Variants in VWA3B observed in about 807,000 individuals in gnomAD.
VWA3B encodes von Willebrand factor A domain-containing protein 3B.
In VWA3B, 138 loss-of-function variants were observed where a neutral mutation model predicts 158.3. That is an observed-to-expected ratio of 0.87 (90% CI 0.76 to 1.00). The LOEUF (loss-of-function observed/expected upper bound fraction) is 1.00, where lower values mean the gene tolerates loss of function less well. Ranked by LOEUF, VWA3B falls within the 50% of genes least tolerant of loss-of-function variation. VWA3B has a pLI of 0.00. For synonymous variants in VWA3B, 596 were observed against 587.3 expected, an observed-to-expected ratio of 1.01 and a Z score of -0.21; for missense variants, 1,555 against 1,565.1, an observed-to-expected ratio of 0.99 and a Z score of 0.11.
chr2:98,312,117 T>A (rs1690943151), intron 27 of VWA3B, 83 bp from the exon 28 acceptor site: 1 of 1,613,192 alleles, frequency 6.2e-7, no homozygotes, highest in Non-Finnish European at 8.5e-7. Context: ...CCTAACATCG[T>A]CCTTCAGATT....
intron 9 of VWA3B, among the ~76,000 whole-genome samples, chr2:98,183,036 A>G (rs1407860261): frequency 2.0e-5 from 3 of 152,256 alleles, no homozygotes; most frequent in Admixed American, 6.5e-5. Context: ...AATACTGATC[A>G]TCTCCTAACT....
the VWA3B span, among the ~76,000 whole-genome samples, chr2:98,320,771 G>A: frequency 6.1e-4 from 93 of 152,278 alleles, no homozygotes; most frequent in East Asian, 1.7e-3. Flanking sequence ...GTGACAGAGC[G>A]TAGAAGTTCG....
intron 10 of VWA3B, among the ~76,000 whole-genome samples, chr2:98,192,594 CA>C (rs1361283383): frequency 3.9e-5 from 6 of 152,280 alleles, no homozygotes; most frequent in Non-Finnish European, 8.8e-5. Context: ...GTGTAGGTCA[CA>C]GGGGATATGA....
intron 7 of VWA3B, among the ~76,000 whole-genome samples, chr2:98,145,605 CT>C (rs1677117626): frequency 6.6e-6 from 1 of 152,198 alleles, no homozygotes; most frequent in Non-Finnish European, 1.5e-5. Context: ...TTTTTAAGCA[CT>C]TTATTTCTGC....
chr2:98,322,175 AT>A, the VWA3B span, among the ~76,000 whole-genome samples: 1 of 152,086 alleles, frequency 6.6e-6, no homozygotes, highest in Non-Finnish European at 1.5e-5. Context: ...ACCTGGATAA[AT>A]TTTTTTAAGT....
intron 12 of VWA3B, among the ~76,000 whole-genome samples, chr2:98,196,726 A>G (rs1682081028): frequency 6.6e-6 from 1 of 152,164 alleles, no homozygotes; most frequent in Non-Finnish European, 1.5e-5. Flanking sequence ...TAGGCTTTTC[A>G]ACAAAAGACT....
Position 98,087,180 on chromosome 2 carries a change from A to G in VWA3B, c.-216A>G, listed in dbSNP as rs1037141491. On this transcript the variant is annotated 5_prime_UTR_variant, in exon 1 of 28. Transcript: ENST00000477737. ...GCGCTCGGAACCAGAGGCGCGGGTCACAGAGACCTAGAACAGCTGGAATCC... is the reference window on the plus strand; with the variant it reads ...GCGCTCGGAACCAGAGGCGCGGGTCGCAGAGACCTAGAACAGCTGGAATCC... 1 of 152,220 alleles carries G rather than the reference A, an allele frequency of 6.6e-6. No individual in the cohort carries two copies. The allele number at this position is 152,220 out of a possible 1,614,324, so 9.4% of individuals were successfully genotyped here. A position where few individuals can be genotyped will look rare whatever the true frequency, so the allele number is the denominator to read the frequency against.
the VWA3B span, among the ~76,000 whole-genome samples, chr2:98,322,061 C>A: frequency 6.6e-6 from 1 of 152,170 alleles, no homozygotes; most frequent in Non-Finnish European, 1.5e-5. Flanking sequence ...GTAAGTCATG[C>A]CTTTTTTCCT....
chr2:98,177,861 CTT>C (rs1480740335), intron 8 of VWA3B, among the ~76,000 whole-genome samples: 1 of 151,878 alleles, frequency 6.6e-6, no homozygotes, highest in Non-Finnish European at 1.5e-5. Flanking sequence ...ATAGAGGGCT[CTT>C]AACTTTTTTA....
the VWA3B span, among the ~76,000 whole-genome samples, chr2:98,318,806 TTATC>T: frequency 6.6e-6 from 1 of 152,192 alleles, no homozygotes; most frequent in East Asian, 1.9e-4. Context: ...TATATATTAT[TTATC>T]TATCATCTAT....
At chr2:98,290,390 C>G in intron 22 of VWA3B, 121 bp from the exon 23 acceptor site, 2 of 741,624 alleles carry the variant, frequency 2.7e-6, no homozygotes, top group Non-Finnish European at 4.4e-6. Context: ...ACTTGTAATT[C>G]AACATGAGAT....
intron 12 of VWA3B, chr2:98,207,634 G>A (rs1385671807): frequency 4.2e-6 from 2 of 472,368 alleles, no homozygotes; most frequent in Non-Finnish European, 8.3e-6. Context: ...GATTTTGATA[G>A]GTGAACATGA....
chr2:98,241,658 G>C (rs1401098286), intron 19 of VWA3B, among the ~76,000 whole-genome samples: 1 of 152,006 alleles, frequency 6.6e-6, no homozygotes, highest in Non-Finnish European at 1.5e-5. Flanking sequence ...TTGTTCTTCA[G>C]GGGGGCATCC....
At chr2:98,274,276 G>T (rs925402844) in intron 22 of VWA3B, among the ~76,000 whole-genome samples, 1 of 152,244 alleles carries the variant, frequency 6.6e-6, no homozygotes, top group East Asian at 1.9e-4. Context: ...CTTATTTGTA[G>T]CTGTGTCCAT....
chr2:98,198,623 G>A (rs953375393), intron 12 of VWA3B, among the ~76,000 whole-genome samples: 5 of 151,888 alleles, frequency 3.3e-5, no homozygotes, highest in African/African-American at 1.2e-4. Flanking sequence ...CTCCACCACA[G>A]TACCAAAGGG....
chr2:98,180,932 G>A (rs547683082), intron 8 of VWA3B, 84 bp from the exon 9 acceptor site: 78 of 1,343,112 alleles, frequency 5.8e-5, no homozygotes, highest in South Asian at 8.5e-5. Context: ...TAAAGAACAC[G>A]TTCCAAGTTG....
At position 98,125,893 on chromosome 2, in the gene VWA3B, C is replaced by T. The variant is rs954941518; in HGVS notation, c.703-2346C>T. 1.3e-5 allele frequency among the ~76,000 whole-genome samples: 2 copies of T among 152,050 alleles called. No individual in the cohort carries two copies. The highest frequency in any genetic ancestry group is 1.9e-4 in the East Asian group (1 of 5,166). ...GTTAGCCAGGATGGTCTCGATCTCC[C>T]GACCTCGTGATCTGCTCGCCTCAGC... On this transcript the variant is annotated intron_variant, in intron 5 of 27. Coordinates refer to ENST00000477737, the MANE Select transcript of VWA3B (RefSeq NM_144992.5). The surrounding 1 kb of genome is among the most constrained non-coding windows in gnomAD (Gnocchi z 4.1).
intron 4 of VWA3B, among the ~76,000 whole-genome samples, chr2:98,121,005 C>G (rs955517272): frequency 6.6e-6 from 1 of 152,204 alleles, no homozygotes. Context: ...TAAAAAATAA[C>G]TTCTCTTAAT....
chr2:98,122,351 CAAG>C (rs751384156), intron 5 of VWA3B, among the ~76,000 whole-genome samples: 96 of 152,294 alleles, frequency 6.3e-4, no homozygotes, highest in Non-Finnish European at 9.7e-4. Flanking sequence ...CCAGCTGCAT[CAAG>C]AAGTCCATTG....
Sources: gnomAD v4.1 joint callset for allele counts (sites outside exome capture counted in the v4.1 genomes callset) on GRCh38, gnomAD v4.1.1 for gene constraint, Gnocchi (gnomAD v3.1) non-coding constraint, MANE v1.5 for transcripts, NCBI Gene and HGNC (gene_info 2026-07-23, HGNC 2026-07-21) for gene names.